The following HS6ST2 variants were observed in gnomAD, a reference collection of about 807,000 sequenced individuals.
The protein encoded by HS6ST2 is heparan sulfate 6-O-sulfotransferase 2.
Under a neutral mutation model 33.0 loss-of-function variants are expected in HS6ST2, and 17 were observed. The ratio of observed to expected loss-of-function variants is 0.52; its 90% CI spans 0.35 to 0.77. The LOEUF is 0.77. Ranked by LOEUF, HS6ST2 falls within the 30% of genes least tolerant of loss-of-function variation. The pLI, the probability that HS6ST2 is intolerant of heterozygous loss-of-function variation, is 0.01. For synonymous variants in HS6ST2, 248 were observed against 237.1 expected (o/e 1.05, Z -0.42); for missense variants, 519 against 551.7 (o/e 0.94, Z 0.59).
At chrX:132,871,727 A>C (rs1405245243) in intron 2 of HS6ST2, among the ~76,000 whole-genome samples, 7 of 108,252 alleles carry the variant, frequency 6.5e-5, no homozygotes, top group Non-Finnish European at 1.1e-4. Flanking sequence ...GGAGGTGAAC[A>C]ATGAGAACTC....
At chrX:132,902,170 C>T (rs182439183) in intron 2 of HS6ST2, among the ~76,000 whole-genome samples, 2 of 105,112 alleles carry the variant, frequency 1.9e-5, no homozygotes, top group African/African-American at 3.5e-5. Context: ...TGTGTGATCT[C>T]GGCTCACTAC....
At chrX:132,924,929 C>G (rs2066695696) in intron 2 of HS6ST2, among the ~76,000 whole-genome samples, 1 of 110,934 alleles carries the variant, frequency 9.0e-6, no homozygotes, top group South Asian at 3.8e-4. Context: ...TCGAGACCAG[C>G]CTGGAAAAGA....
intron 3 of HS6ST2, among the ~76,000 whole-genome samples, chrX:132,703,546 C>A (rs2092759358): frequency 1.8e-5 from 2 of 112,201 alleles, no homozygotes; most frequent in African/African-American, 6.5e-5. Flanking sequence ...AAGATATCAG[C>A]CCTGAGCCTG....
rs762083858 is a variant in HS6ST2, at chrX:132,681,012, A to C, written c.981-11813T>G. ...AAGAGCAAAACTCTGTCTTAAAAAA[A>C]AAAAAAAAGTCTTGTGTTTTGGGTT... On this transcript the variant is annotated intron_variant, in intron 3 of 4. Coordinates refer to ENST00000370833, the MANE Select transcript of HS6ST2 (RefSeq NM_001394073.1). Among the ~76,000 whole-genome samples, 3 of 110,080 alleles carry C rather than the reference A, an allele frequency of 2.7e-5. No homozygotes were observed. The South Asian group carries it at 1.2e-3, about 44-fold the overall frequency.
chrX:132,661,340 C>G (rs910113748), intron 4 of HS6ST2, among the ~76,000 whole-genome samples: 16 of 107,458 alleles, frequency 1.5e-4, no homozygotes, highest in African/African-American at 5.4e-4. Context: ...GCTCCTAAAA[C>G]TTAGTAAGTT....
chrX:132,682,508 C>T (rs1363392957), intron 3 of HS6ST2, among the ~76,000 whole-genome samples: 5 of 111,914 alleles, frequency 4.5e-5, no homozygotes, highest in African/African-American at 1.6e-4. Context: ...CAGCTAGCTG[C>T]CTCAAAAGGA....
intron 2 of HS6ST2, among the ~76,000 whole-genome samples, chrX:132,739,714 CAAA>C (rs147979550): frequency 3.8e-5 from 2 of 52,191 alleles, no homozygotes; most frequent in Admixed American, 2.4e-4. Context: ...GACTCCATTT[CAAA>C]AAAAAAAAAA....
At chrX:132,915,176 T>G (rs1164945074) in intron 2 of HS6ST2, among the ~76,000 whole-genome samples, 1 of 112,029 alleles carries the variant, frequency 8.9e-6, no homozygotes, top group Non-Finnish European at 1.9e-5. Context: ...CCATCGGCCA[T>G]TAGCCCATTG....
chrX:132,704,277 A>C (rs2064169897), intron 3 of HS6ST2, among the ~76,000 whole-genome samples: 1 of 112,588 alleles, frequency 8.9e-6, no homozygotes, highest in Admixed American at 9.4e-5. Context: ...GATTTTGGCC[A>C]GGCATGGTGG....
intron 2 of HS6ST2, among the ~76,000 whole-genome samples, chrX:132,756,880 A>G (rs774349244): frequency 2.8e-5 from 3 of 107,613 alleles, no homozygotes; most frequent in Non-Finnish European, 5.7e-5. Flanking sequence ...GAGAGTCATG[A>G]GTAATTTCCC....
chrX:132,877,741 A>G (rs1265822976), intron 2 of HS6ST2, among the ~76,000 whole-genome samples: 1 of 111,390 alleles, frequency 9.0e-6, no homozygotes, highest in Non-Finnish European at 1.9e-5. Context: ...TGCTAGTCAA[A>G]TGGGACAGTG....
intron 2 of HS6ST2, among the ~76,000 whole-genome samples, chrX:132,744,912 C>CT (rs2148291634): frequency 8.9e-6 from 1 of 111,866 alleles, no homozygotes; most frequent in South Asian, 3.8e-4. Flanking sequence ...TATGAATGTA[C>CT]TTTGGAGGTA....
chrX:132,886,451 C>T (rs1048269394), intron 2 of HS6ST2, among the ~76,000 whole-genome samples: 4 of 111,085 alleles, frequency 3.6e-5, no homozygotes, highest in African/African-American at 1.3e-4. Flanking sequence ...ACCTGTGAAA[C>T]ATCAAGTATC....
chrX:132,772,631 AATG>A (rs1367335767), intron 2 of HS6ST2, among the ~76,000 whole-genome samples: 2 of 101,384 alleles, frequency 2.0e-5, no homozygotes, highest in Non-Finnish European at 3.9e-5. Flanking sequence ...TATTCTATAT[AATG>A]ATATTGTACA....
chrX:132,671,954 A>G (rs2148208630), intron 3 of HS6ST2, among the ~76,000 whole-genome samples: 1 of 111,796 alleles, frequency 8.9e-6, no homozygotes, highest in South Asian at 3.8e-4. Context: ...GTGGTATAGA[A>G]AAGTTTACCT....
At chrX:132,809,552 T>G (rs776684482) in intron 2 of HS6ST2, among the ~76,000 whole-genome samples, 9 of 111,777 alleles carry the variant, frequency 8.1e-5, no homozygotes, top group Non-Finnish European at 1.3e-4. Flanking sequence ...GATCCCACAT[T>G]TTAACTAAGG....
intron 2 of HS6ST2, among the ~76,000 whole-genome samples, chrX:132,867,448 C>T (rs888252027): frequency 1.0e-4 from 11 of 110,305 alleles, no homozygotes; most frequent in Admixed American, 9.7e-5. Flanking sequence ...TCTCTTTTTT[C>T]GTTGTGTCTT....
chrX:132,740,619 G>A (rs1230380821), intron 2 of HS6ST2, among the ~76,000 whole-genome samples: 7 of 111,811 alleles, frequency 6.3e-5, no homozygotes, highest in African/African-American at 2.3e-4. Flanking sequence ...CCCTTAAGTA[G>A]GATTGAGGAA....
chrX:132,773,134 T>C (rs1007586199), intron 2 of HS6ST2, among the ~76,000 whole-genome samples: 2 of 98,517 alleles, frequency 2.0e-5, no homozygotes, highest in African/African-American at 7.3e-5. Context: ...TATTAATATA[T>C]TAATCATGTG....
Sources: allele counts gnomAD v4.1 joint callset (sites outside exome capture counted in the v4.1 genomes callset), GRCh38; gene constraint gnomAD v4.1.1; transcripts MANE v1.5; gene names NCBI Gene and HGNC (gene_info 2026-07-23, HGNC 2026-07-21).